The following GALNTL6 variants were observed in gnomAD, a reference collection of about 807,000 sequenced individuals.
GALNTL6 encodes the protein polypeptide N-acetylgalactosaminyltransferase-like 6.
A neutral mutation model predicts 73.7 loss-of-function variants in GALNTL6; 46 were observed. The ratio of observed to expected loss-of-function variants is 0.62; its 90% CI spans 0.49 to 0.80. The LOEUF (loss-of-function observed/expected upper bound fraction) is 0.80, where lower values mean the gene tolerates loss of function less well. Ranked by LOEUF, GALNTL6 falls within the 30% of genes least tolerant of loss-of-function variation. The pLI is 0.00. For synonymous variants in GALNTL6, 259 were observed against 263.7 expected, an observed-to-expected ratio of 0.98 and a Z score of 0.17; for missense variants, 604 against 755.0, an observed-to-expected ratio of 0.80 and a Z score of 2.34.
At chr4:172,924,018 T>G (rs112277859) in intron 8 of GALNTL6, among the ~76,000 whole-genome samples, 2 of 151,574 alleles carry the variant, frequency 1.3e-5, no homozygotes, top group African/African-American at 4.9e-5. Context: ...GAGCCTGGGG[T>G]GGGAACTAGG....
intron 2 of GALNTL6, among the ~76,000 whole-genome samples, chr4:171,928,943 T>C (rs1197237271): frequency 2.0e-5 from 3 of 152,208 alleles, no homozygotes; most frequent in Non-Finnish European, 4.4e-5. Context: ...AAGTGACACA[T>C]GGCTATAATA....
chr4:172,092,372 A>C (rs1037715966), intron 2 of GALNTL6, among the ~76,000 whole-genome samples: 1 of 152,170 alleles, frequency 6.6e-6, no homozygotes, highest in Admixed American at 6.5e-5. Flanking sequence ...CTCAAAGAAG[A>C]GAAAACATCA....
At chr4:172,376,574 C>T (rs1056350958) in intron 5 of GALNTL6, among the ~76,000 whole-genome samples, 2 of 152,042 alleles carry the variant, frequency 1.3e-5, no homozygotes, top group Admixed American at 6.5e-5. Context: ...TTCAGTCTGG[C>T]AGCCACGCTA....
intron 5 of GALNTL6, among the ~76,000 whole-genome samples, chr4:172,444,712 T>C (rs1731956804): frequency 6.6e-6 from 1 of 152,104 alleles, no homozygotes; most frequent in Admixed American, 6.6e-5. Context: ...TGATAAGCTA[T>C]TCCATAGAGT....
At chr4:171,899,282 G>C (rs6553600) in intron 2 of GALNTL6, among the ~76,000 whole-genome samples, 3,313 of 152,030 alleles carry the variant, frequency 0.022, 94 homozygotes, top group African/African-American at 0.07. Flanking sequence ...GACTAGTAGC[G>C]TTTAAAAAAT....
intron 8 of GALNTL6, among the ~76,000 whole-genome samples, chr4:172,887,117 G>A (rs1367825979): frequency 6.6e-6 from 1 of 152,164 alleles, no homozygotes; most frequent in East Asian, 1.9e-4. Context: ...ACATGCTTAG[G>A]ATAATGGCCT....
chr4:172,967,094 T>G (rs930696922), intron 10 of GALNTL6, among the ~76,000 whole-genome samples: 1 of 152,268 alleles, frequency 6.6e-6, no homozygotes, highest in African/African-American at 2.4e-5. Context: ...TTTGATCCAC[T>G]TGATTGCATT....
intron 5 of GALNTL6, among the ~76,000 whole-genome samples, chr4:172,697,297 C>T (rs1733756517): frequency 6.6e-6 from 1 of 152,114 alleles, no homozygotes; most frequent in South Asian, 2.1e-4. Flanking sequence ...AGGTCATTAC[C>T]CTGGATGCAT....
chr4:171,922,705 A>G (rs543169206), intron 2 of GALNTL6, among the ~76,000 whole-genome samples: 14 of 152,270 alleles, frequency 9.2e-5, no homozygotes. Flanking sequence ...GACTGGGACC[A>G]TGGAAACAAA....
At chr4:172,621,701 T>A (rs557072003) in intron 5 of GALNTL6, among the ~76,000 whole-genome samples, 2 of 152,332 alleles carry the variant, frequency 1.3e-5, no homozygotes, top group South Asian at 4.1e-4. Context: ...TTTCATTTGC[T>A]CTGACAAATA....
In GALNTL6 at chr4:172,093,093, G is replaced by A. The variant is rs577507250; in HGVS notation, c.139-136563G>A. Among the ~76,000 whole-genome samples, 119 of 151,702 alleles carry A rather than the reference G, an allele frequency of 7.8e-4. No individual in the cohort carries two copies. In the South Asian group the frequency reaches 9.4e-3, roughly 12 times the overall value. Reference sequence around the variant, plus strand: ...TTCACCATGTTGGACAGGATGGTCTGGATCTCCTGACCTCGTGATCCGCCC... The same window carrying A: ...TTCACCATGTTGGACAGGATGGTCTAGATCTCCTGACCTCGTGATCCGCCC... On this transcript the variant is annotated intron_variant, in intron 2 of 12. Transcript: ENST00000506823.
rs1491319385 is a variant in GALNTL6, at chr4:172,069,548, CAT to C, written c.139-160103_139-160102del. On this transcript the variant is annotated intron_variant, in intron 2 of 12. Coordinates refer to ENST00000506823, the MANE Select transcript of GALNTL6 (RefSeq NM_001034845.3). ...TATAACACATATATTATATATAACA[CAT>C]ATATGTTATATATAACACATATATG... Among the ~76,000 whole-genome samples the C allele has an allele frequency of 3.3e-4, 14 of 42,912 alleles. 4 individuals are homozygous for C. The highest frequency in any genetic ancestry group is 2.2e-3 in the East Asian group (6 of 2,682). The allele number at this position is 42,912 out of a possible 152,430, so 28.2% of individuals were successfully genotyped here.
intron 4 of GALNTL6, among the ~76,000 whole-genome samples, chr4:172,332,140 A>G (rs978787713): frequency 2.6e-5 from 4 of 152,122 alleles, no homozygotes; most frequent in Non-Finnish European, 4.4e-5. Context: ...AATTTTTAAT[A>G]TGCCAGTTGG....
At chr4:172,709,475 A>T (rs558714321) in intron 5 of GALNTL6, among the ~76,000 whole-genome samples, 1 of 152,174 alleles carries the variant, frequency 6.6e-6, no homozygotes, top group South Asian at 2.1e-4. Context: ...TAAACACACA[A>T]CAAAGGGTCC....
chr4:172,150,254 ATTATT>A (rs1579186292), intron 2 of GALNTL6, among the ~76,000 whole-genome samples: 1 of 152,244 alleles, frequency 6.6e-6, no homozygotes, highest in African/African-American at 2.4e-5. Context: ...TATAAATATA[ATTATT>A]TTATAAGTTT....
chr4:172,142,847 T>G lies in GALNTL6; in HGVS notation c.139-86809T>G, dbSNP rs144587300. Among the ~76,000 whole-genome samples, 133 of 152,110 alleles carry G rather than the reference T, an allele frequency of 8.7e-4. 1 individual carries two copies. In the East Asian group the frequency reaches 0.021, roughly 24 times the overall value. ...ATGGTTAACCAGGGGGAGTGGATTT[T>G]TGTATACATTAACAGAAAATACATT... On this transcript the variant is annotated intron_variant, in intron 2 of 12. Coordinates refer to ENST00000506823, the MANE Select transcript of GALNTL6 (RefSeq NM_001034845.3).
chr4:172,892,630 G>A (rs1241533138), intron 8 of GALNTL6, among the ~76,000 whole-genome samples: 1 of 142,586 alleles, frequency 7.0e-6, no homozygotes, highest in Non-Finnish European at 1.5e-5. Flanking sequence ...TTTAACTGCT[G>A]CATATGCCCT....
chr4:172,529,588 A>C (rs1380404347), intron 5 of GALNTL6, among the ~76,000 whole-genome samples: 1 of 152,156 alleles, frequency 6.6e-6, no homozygotes, highest in Non-Finnish European at 1.5e-5. Flanking sequence ...AAGAAATTTA[A>C]GAATTTCTCA....
At chr4:172,067,438 T>C (rs984660099) in intron 2 of GALNTL6, among the ~76,000 whole-genome samples, 14 of 152,198 alleles carry the variant, frequency 9.2e-5, no homozygotes, top group Admixed American at 7.2e-4. Flanking sequence ...CTCTCGAATT[T>C]GCAATTATAA....
Sources: allele counts gnomAD v4.1 joint callset (sites outside exome capture counted in the v4.1 genomes callset), GRCh38; gene constraint gnomAD v4.1.1; transcripts MANE v1.5; gene names NCBI Gene and HGNC (gene_info 2026-07-23, HGNC 2026-07-21).